RBM5: variants seen among roughly 807,000 people sequenced by gnomAD.
RBM5 encodes the protein RNA binding motif protein 5.
Under a neutral mutation model 124.6 loss-of-function variants are expected in RBM5, and 15 were observed. That is an observed-to-expected ratio of 0.12 (90% CI 0.08 to 0.19). The LOEUF is 0.19. Among genes scored for constraint, RBM5 ranks in the 10% least tolerant of loss-of-function variants. RBM5 has a pLI of 1.00. For synonymous variants in RBM5, 337 were observed against 361.2 expected, an observed-to-expected ratio of 0.93 and a Z score of 0.76; for missense variants, 580 against 1,026.5, an observed-to-expected ratio of 0.57 and a Z score of 5.94.
intron 17 of RBM5, among the ~76,000 whole-genome samples, chr3:50,111,225 T>C (rs1168221756): frequency 1.3e-5 from 2 of 152,242 alleles, no homozygotes; most frequent in Admixed American, 6.5e-5. Flanking sequence ...TTCTCCCTAT[T>C]GTTTAACCTT....
intron 17 of RBM5, among the ~76,000 whole-genome samples, chr3:50,111,796 G>A (rs1377175226): frequency 6.6e-6 from 1 of 152,104 alleles, no homozygotes; most frequent in Non-Finnish European, 1.5e-5. Flanking sequence ...ATGGAGTGAT[G>A]TTTTATTTTT....
rs757143153 is a variant in RBM5, at chr3:50,107,056, G to A, written c.953+192G>A. On this transcript the variant is annotated intron_variant, in intron 11 of 24. Transcript: ENST00000347869. ...CTGTCCTGTGTAACCAGTTGATGAA[G>A]TTGCCTGAAATGGTTTCAGATCAGG... The A allele has an allele frequency of 4.3e-6, 3 of 698,480 alleles. No individual in the cohort carries two copies. The East Asian group carries it at 8.3e-5, about 19-fold the overall frequency. The allele number at this position is 698,480 out of a possible 1,614,324, so 43.3% of individuals were successfully genotyped here. A position where few individuals can be genotyped will look rare whatever the true frequency, so the allele number is the denominator to read the frequency against.
At position 50,118,570 on chromosome 3, in the gene RBM5, G is replaced by T; in HGVS notation, c.*114G>T. ...CCTTGTGCTGTTAATAGATCTTAGG[G>T]TGAACCACTTCATTCTGCAGGGTTC... On this transcript the variant is annotated 3_prime_UTR_variant, in exon 25 of 25. Coordinates refer to ENST00000347869, the MANE Select transcript of RBM5 (RefSeq NM_005778.4). 2 of 1,419,050 alleles carry T rather than the reference G, an allele frequency of 1.4e-6. No homozygotes were observed. The highest frequency in any genetic ancestry group is 1.9e-6 in the Non-Finnish European group (2 of 1,052,194). 87.9% of individuals were successfully genotyped at this position (1,419,050 alleles called of 1,614,324 possible).
rs963298114 is a variant in RBM5 at position 50,106,212 on chromosome 3, C to T, written c.855+503C>T. On this transcript the variant is annotated intron_variant, in intron 10 of 24. Transcript: ENST00000347869. ...GGAGTGCAGTGGTGTGATCTCGGCT[C>T]ACTGCAAGCTCCATCTCCCCAGGGT... 7.8e-5 allele frequency among the ~76,000 whole-genome samples: 10 copies of T among 128,534 alleles called. No individual in the cohort carries two copies. The South Asian group carries it at 7.8e-4, about 10-fold the overall frequency. The allele number at this position is 128,534 out of a possible 152,430, so 84.3% of individuals were successfully genotyped here.
chr3:50,107,304 A>G (rs958849712), intron 11 of RBM5, among the ~76,000 whole-genome samples, 178 bp from the exon 12 acceptor site: 14 of 152,250 alleles, frequency 9.2e-5, no homozygotes, highest in Non-Finnish European at 1.8e-4. Context: ...GAACAATGAT[A>G]CTACAGGGCC....
At chr3:50,104,983 G>A (rs1427701226) in intron 8 of RBM5, 94 bp from the exon 9 acceptor site, 2 of 959,454 alleles carry the variant, frequency 2.1e-6, no homozygotes, top group Non-Finnish European at 3.2e-6. Flanking sequence ...ATTGTTTTGT[G>A]TGGTTAAAAT....
At position 50,108,234 on chromosome 3, in the gene RBM5, T is replaced by C. The variant is rs934807867; in HGVS notation, c.1122T>C (p.Tyr374=). ...GQDGYAQYAQ[Y]SQDYQQFYQQ... ...TTTAATGGTGGACTTTTCTTCAGTA[T>C]TCACAGGATTATCAGCAGTTTTATC... The change falls in exon 14 of 25, where the codon TAT becomes TAC. Residue 374 remains tyrosine, a splice_region_variant and synonymous_variant. Transcript: ENST00000347869. The C allele has an allele frequency of 6.2e-6, 10 of 1,612,714 alleles. No individual in the cohort carries two copies. The highest frequency in any genetic ancestry group is 7.6e-6 in the Non-Finnish European group (9 of 1,178,656).
At chr3:50,107,320 C>G (rs968840125) in intron 11 of RBM5, among the ~76,000 whole-genome samples, 162 bp from the exon 12 acceptor site, 12 of 152,200 alleles carry the variant, frequency 7.9e-5, no homozygotes, top group African/African-American at 2.9e-4. Context: ...GGGCCACTTG[C>G]TTACTGAGGA....
At position 50,108,858 on chromosome 3, in the gene RBM5, C is replaced by T. The variant is rs116769478; in HGVS notation, c.1192+554C>T. On this transcript the variant is annotated intron_variant, in intron 14 of 24. Coordinates refer to ENST00000347869, the MANE Select transcript of RBM5 (RefSeq NM_005778.4). ...GATGAGTTTAATTCTTGGAATTCAA[C>T]TCTGTATTTCCCCTCTCTGTGTTTG... Among the ~76,000 whole-genome samples, 982 of 152,288 alleles carry T rather than the reference C, an allele frequency of 6.4e-3. 10 individuals are homozygous for T. Among genetic ancestry groups the T allele is most frequent in the African/African-American group, 0.022 (928 of 41,562 alleles).
chr3:50,096,374 G>A (rs781677207), intron 4 of RBM5, among the ~76,000 whole-genome samples: 1 of 151,624 alleles, frequency 6.6e-6, no homozygotes, highest in Non-Finnish European at 1.5e-5. Context: ...TGTGGTCCCA[G>A]TTACTTGGGA....
chr3:50,098,074 G>A (rs1370678481), intron 4 of RBM5, among the ~76,000 whole-genome samples: 6 of 152,140 alleles, frequency 3.9e-5, no homozygotes, highest in African/African-American at 1.2e-4. Context: ...TCCAGCCTGG[G>A]CAACAGAGTG....
Position 50,100,179 on chromosome 3 carries a change from G to A in RBM5, c.409+128G>A. Reference sequence around the variant, plus strand: ...AGAATGAAAGGTTTGCCATGGCTAAGGAATGTGACTCTTTGAAAACCATGT... The same window carrying A: ...AGAATGAAAGGTTTGCCATGGCTAAAGAATGTGACTCTTTGAAAACCATGT... On this transcript the variant is annotated intron_variant, in intron 5 of 24. Transcript: ENST00000347869. The surrounding 1 kb of genome is among the most constrained non-coding windows in gnomAD (Gnocchi z 5.1). 1.2e-6 allele frequency: 1 copy of A among 862,542 alleles called. No homozygotes were observed. The highest frequency in any genetic ancestry group is 1.8e-6 in the Non-Finnish European group (1 of 563,786). The allele number at this position is 862,542 out of a possible 1,614,324, so 53.4% of individuals were successfully genotyped here. A position where few individuals can be genotyped will look rare whatever the true frequency, so the allele number is the denominator to read the frequency against.
chr3:50,103,433 G>T, intron 7 of RBM5, among the ~76,000 whole-genome samples: 1 of 152,126 alleles, frequency 6.6e-6, no homozygotes. Context: ...GATAGCTTGA[G>T]GCCAGGGGTT....
chr3:50,105,633 A>G lies in RBM5; in HGVS notation c.779A>G (p.Asn260Ser), dbSNP rs1408962926. ...TCTCCTTACGCGTCTTTAGCTGTCAATAACATCCGCCTCATAAAAGACAAA... is the reference window on the plus strand; with the variant it reads ...TCTCCTTACGCGTCTTTAGCTGTCAGTAACATCCGCCTCATAAAAGACAAA... ...ALSPYASLAV[N>S]NIRLIKDKQT... Residue 260 changes from asparagine (N) to serine (S), a missense_variant, in exon 10 of 25, where the codon AAT (asparagine) becomes AGT (serine). Around this residue, in one of 6 missense-constraint regions of RBM5, gnomAD observed 101 missense variants for 223.2 expected, o/e 0.45. Transcript: ENST00000347869. 2.5e-6 allele frequency: 4 copies of G among 1,614,210 alleles called. No individual in the cohort carries two copies. The highest frequency in any genetic ancestry group is 1.3e-5 in the African/African-American group (1 of 75,056).
intron 16 of RBM5, 24 bp from the exon 17 acceptor site, chr3:50,110,655 G>A (rs770543091): frequency 2.5e-6 from 4 of 1,585,180 alleles, no homozygotes; most frequent in Non-Finnish European, 3.5e-6. Flanking sequence ...TGGAATGACT[G>A]TATGCTGGAT....
Position 50,110,755 on chromosome 3 carries a change from T to C in RBM5, c.1440T>C (p.Tyr480=). 1 of 1,610,550 alleles carries C rather than the reference T, an allele frequency of 6.2e-7. No homozygotes were observed. The highest frequency in any genetic ancestry group is 8.5e-7 in the Non-Finnish European group (1 of 1,177,276). ...ATGATCCGACAACAGGGCTCTATTA[T>C]GACCCCAACTCGCAAGTAAATGTGC... ...YYYDPTTGLY[Y]DPNSQYYYNS... is the part of the protein sequence containing the mutation. Residue 480 remains tyrosine, a synonymous_variant, in exon 17 of 25, where the codon TAT becomes TAC. Coordinates refer to ENST00000347869, the MANE Select transcript of RBM5 (RefSeq NM_005778.4).
rs927398863 is a variant in RBM5 at position 50,090,174 on chromosome 3, T to C, written c.-53-208T>C. Reference sequence around the variant, plus strand: ...TGGAATCTAATATTTTAAAATATGCTTAATCTTCCGGTTTTGCTCATTGTT... The same window carrying C: ...TGGAATCTAATATTTTAAAATATGCCTAATCTTCCGGTTTTGCTCATTGTT... On this transcript the variant is annotated intron_variant, in intron 1 of 24. Coordinates refer to ENST00000347869, the MANE Select transcript of RBM5 (RefSeq NM_005778.4). The C allele has an allele frequency of 2.6e-5, 10 of 383,792 alleles. No individual in the cohort carries two copies. The East Asian group carries it at 3.5e-4, about 13-fold the overall frequency. 23.8% of individuals were successfully genotyped at this position (383,792 alleles called of 1,614,324 possible).
chr3:50,093,585 AT>A, intron 3 of RBM5, 134 bp from the exon 4 acceptor site: 5 of 957,808 alleles, frequency 5.2e-6, no homozygotes, highest in Non-Finnish European at 5.9e-6. Flanking sequence ...AAAAAAAAAA[AT>A]TGCAGTGAAC....
chr3:50,115,318 T>C, intron 20 of RBM5, 110 bp from the exon 21 acceptor site: 1 of 1,259,832 alleles, frequency 7.9e-7, no homozygotes, highest in Non-Finnish European at 1.1e-6. Context: ...TGACATGCAG[T>C]AATGGGGATT....
Sources: gnomAD v4.1 joint callset for allele counts (sites outside exome capture counted in the v4.1 genomes callset) on GRCh38, gnomAD v4.1.1 for gene constraint, gnomAD v4.1.1 regional missense constraint, Gnocchi (gnomAD v3.1) non-coding constraint, MANE v1.5 for transcripts, NCBI Gene and HGNC (gene_info 2026-07-23, HGNC 2026-07-21) for gene names.